Variants in PROX1 observed in about 807,000 individuals in gnomAD.
PROX1 encodes the protein prospero homeobox protein 1.
Under a neutral mutation model 58.8 loss-of-function variants are expected in PROX1, and 7 were observed. The observed-to-expected ratio is 0.12, with a 90% CI of 0.07 to 0.22. The LOEUF is 0.22. Ranked by LOEUF, PROX1 falls within the 10% of genes least tolerant of loss-of-function variation. The pLI, the probability that PROX1 is intolerant of heterozygous loss-of-function variation, is 1.00. For missense variants in PROX1, 675 were observed against 927.8 expected (o/e 0.73, Z 3.54); for synonymous variants, 350 against 358.3 (o/e 0.98, Z 0.26).
intron 1 of PROX1, among the ~76,000 whole-genome samples, chr1:213,992,477 T>C (rs2102683870): frequency 6.6e-6 from 1 of 152,248 alleles, no homozygotes; most frequent in South Asian, 2.1e-4. Flanking sequence ...ATCTGATTTT[T>C]CCCCTTTGAA....
chr1:214,009,254 A>G (rs879308729), intron 3 of PROX1, among the ~76,000 whole-genome samples: 7 of 152,192 alleles, frequency 4.6e-5, no homozygotes, highest in Non-Finnish European at 7.4e-5. Flanking sequence ...CGTGGGAAGC[A>G]TTAATCAAAG....
At chr1:214,009,842 A>C (rs1663847143) in intron 3 of PROX1, among the ~76,000 whole-genome samples, 1 of 152,146 alleles carries the variant, frequency 6.6e-6, no homozygotes, top group Admixed American at 6.5e-5. Flanking sequence ...TTCATTCCCC[A>C]GTGCACAGCC....
intron 4 of PROX1, among the ~76,000 whole-genome samples, chr1:214,034,793 A>G (rs1005714409): frequency 3.3e-5 from 5 of 152,194 alleles, no homozygotes; most frequent in African/African-American, 1.2e-4. Flanking sequence ...AAGGACCTTG[A>G]GGAATTTCCT....
At chr1:213,998,893 A>G (rs996167556) in intron 2 of PROX1, among the ~76,000 whole-genome samples, 3 of 152,028 alleles carry the variant, frequency 2.0e-5, no homozygotes, top group African/African-American at 4.8e-5. Flanking sequence ...TTAAGGAAAT[A>G]TACAGGTACT....
intron 4 of PROX1, among the ~76,000 whole-genome samples, chr1:214,025,210 TC>T (rs1664410521): frequency 6.6e-6 from 1 of 152,228 alleles, no homozygotes. Context: ...TTAACTCTGT[TC>T]CCGTAGACAT....
chr1:214,005,051 A>T, intron 2 of PROX1, 114 bp from the exon 3 acceptor site: 1 of 751,666 alleles, frequency 1.3e-6, no homozygotes, highest in Non-Finnish European at 2.2e-6. Flanking sequence ...ACCTTCCAGC[A>T]CTCCCACCGC....
chr1:214,021,023 C>G (rs910541180), intron 4 of PROX1, among the ~76,000 whole-genome samples: 1 of 152,198 alleles, frequency 6.6e-6, no homozygotes, highest in African/African-American at 2.4e-5. Context: ...ATGTAGCCAA[C>G]AAGGTGAGAA....
Position 214,040,713 on chromosome 1 carries a change from G to T in PROX1, c.*4879G>T, listed in dbSNP as rs1263820034. The T allele has an allele frequency of 6.6e-6, 1 of 151,988 alleles. No individual in the cohort carries two copies. Among genetic ancestry groups the T allele is most frequent in the Non-Finnish European group, 1.5e-5 (1 of 67,976 alleles). The allele number at this position is 151,988 out of a possible 1,614,324, so 9.4% of individuals were successfully genotyped here. ...TTTTGTAATAAAGACCCTTTGATTTGAATATAGTACAATAACTGAACTGAT... is the reference window on the plus strand; with the variant it reads ...TTTTGTAATAAAGACCCTTTGATTTTAATATAGTACAATAACTGAACTGAT... On this transcript the variant is annotated 3_prime_UTR_variant, in exon 5 of 5. Transcript: ENST00000366958.
Position 213,988,464 on chromosome 1 carries a change from C to T in PROX1, c.-87C>T, listed in dbSNP as rs1232604860. On this transcript the variant is annotated 5_prime_UTR_variant, in exon 1 of 5. Transcript: ENST00000366958. Reference sequence around the variant, plus strand: ...AGAGAGAGAGAGAGAGAGGCTCGGTCCCACTGCTCCCTGCACCGCGTAAGT... The same window carrying T: ...AGAGAGAGAGAGAGAGAGGCTCGGTTCCACTGCTCCCTGCACCGCGTAAGT... 2 of 150,532 alleles carry T rather than the reference C, an allele frequency of 1.3e-5. No individual in the cohort carries two copies. Among genetic ancestry groups the T allele is most frequent in the Non-Finnish European group, 3.0e-5 (2 of 67,456 alleles). The allele number at this position is 150,532 out of a possible 1,614,324, so 9.3% of individuals were successfully genotyped here. A position where few individuals can be genotyped will look rare whatever the true frequency, so the allele number is the denominator to read the frequency against.
upstream of PROX1, among the ~76,000 whole-genome samples, chr1:213,986,712 C>T (rs1173759050): frequency 3.3e-5 from 5 of 152,214 alleles, no homozygotes; most frequent in Non-Finnish European, 7.3e-5. Context: ...GTTTCTGCTT[C>T]GCAGCTCTTG....
intron 4 of PROX1, among the ~76,000 whole-genome samples, chr1:214,031,263 AC>A: frequency 6.6e-6 from 1 of 152,176 alleles, no homozygotes; most frequent in African/African-American, 2.4e-5. Flanking sequence ...ATCTTCAAGT[AC>A]CTCATTACTT....
rs372999831 is a variant in PROX1 at position 214,012,555 on chromosome 1, C to T, written c.2028+840C>T. ...CGTGATGACTCTCTGTGAGACAACA[C>T]TAGCAAATCTCCCAGTACTCACAAA... On this transcript the variant is annotated intron_variant, in intron 4 of 4. Transcript: ENST00000366958. Among the ~76,000 whole-genome samples the T allele has an allele frequency of 3.3e-5, 5 of 152,210 alleles. No homozygotes were observed. The East Asian group carries it at 7.7e-4, about 23-fold the overall frequency.
intron 2 of PROX1, among the ~76,000 whole-genome samples, chr1:214,000,945 TG>T (rs1329626022): frequency 1.3e-5 from 2 of 152,170 alleles, no homozygotes; most frequent in African/African-American, 4.8e-5. Flanking sequence ...ATGATCCGGT[TG>T]TACAGTTATT....
At chr1:214,032,407 T>G (rs952091336) in intron 4 of PROX1, among the ~76,000 whole-genome samples, 4 of 152,094 alleles carry the variant, frequency 2.6e-5, no homozygotes, top group African/African-American at 9.7e-5. Context: ...TTTTTTTTTT[T>G]TATTTTTGAG....
At chr1:214,033,072 T>C (rs1558189399) in intron 4 of PROX1, among the ~76,000 whole-genome samples, 1 of 152,130 alleles carries the variant, frequency 6.6e-6, no homozygotes, top group African/African-American at 2.4e-5. Context: ...TCTTGAACAA[T>C]GCCTGCCCTT....
intron 4 of PROX1, among the ~76,000 whole-genome samples, chr1:214,018,242 T>C (rs144021507): frequency 2.6e-5 from 4 of 152,344 alleles, no homozygotes; most frequent in African/African-American, 9.6e-5. Context: ...TCTTTGTCAG[T>C]CACAGGGCAG....
Position 214,036,541 on chromosome 1 carries a change from G to C in PROX1, c.*707G>C, listed in dbSNP as rs1458493335. The C allele has an allele frequency of 6.6e-6, 1 of 152,188 alleles. No homozygotes were observed. Among genetic ancestry groups the C allele is most frequent in the African/African-American group, 2.4e-5 (1 of 41,460 alleles). 9.4% of individuals were successfully genotyped at this position (152,188 alleles called of 1,614,324 possible). A position where few individuals can be genotyped will look rare whatever the true frequency, so the allele number is the denominator to read the frequency against. ...AACCAGCTCTCTCAAGATGAGACTA[G>C]AAATTCATACCTGGTCTTGTAGCCA... On this transcript the variant is annotated 3_prime_UTR_variant, in exon 5 of 5. Transcript: ENST00000366958.
chr1:214,027,939 G>GT (rs60310710), intron 4 of PROX1, among the ~76,000 whole-genome samples: 1,859 of 146,304 alleles, frequency 0.013, 37 homozygotes, highest in African/African-American at 0.042. Flanking sequence ...TAGTTTTTAG[G>GT]TTTTTTTTTT....
intron 2 of PROX1, among the ~76,000 whole-genome samples, chr1:214,001,897 T>C (rs1373627996): frequency 1.3e-5 from 2 of 151,984 alleles, no homozygotes; most frequent in East Asian, 3.9e-4. Context: ...TACACAGCCC[T>C]CCGATTATGG....
Sources: allele counts gnomAD v4.1 joint callset (sites outside exome capture counted in the v4.1 genomes callset), GRCh38; gene constraint gnomAD v4.1.1; transcripts MANE v1.5; gene names NCBI Gene and HGNC (gene_info 2026-07-23, HGNC 2026-07-21).